Variants in TYW1 observed in about 807,000 individuals in gnomAD.
TYW1 encodes tRNA-yW synthesizing protein 1 homolog, also known as S-adenosyl-L-methionine-dependent tRNA 4-demethylwyosine synthase TYW1.
TYW1 carries 46 observed loss-of-function variants against 96.2 expected under a neutral mutation model. That is an observed-to-expected ratio of 0.48 (90% CI 0.38 to 0.61). The LOEUF is 0.61. Among genes scored for constraint, TYW1 ranks in the 20% least tolerant of loss-of-function variants. The pLI, the probability that TYW1 is intolerant of heterozygous loss-of-function variation, is 0.00. For synonymous variants in TYW1, 274 were observed against 323.0 expected (o/e 0.85, Z 1.63); for missense variants, 684 against 909.6 (o/e 0.75, Z 3.19).
intron 13 of TYW1, among the ~76,000 whole-genome samples, chr7:67,145,339 C>T (rs1338663342): frequency 3.3e-5 from 5 of 151,632 alleles, no homozygotes; most frequent in African/African-American, 7.3e-5. Context: ...TTAATAGAGA[C>T]GGGGTTTCAC....
chr7:67,083,488 A>G lies in TYW1; in HGVS notation c.1333A>G (p.Ile445Val). ...WRWKMDQPEM[I>V]LKEAIENHQN... Reference sequence around the variant, plus strand: ...GTGGAAGATGGACCAGCCTGAAATGATCTTGAAGGAAGCCATTGAAAACCA... The same window carrying G: ...GTGGAAGATGGACCAGCCTGAAATGGTCTTGAAGGAAGCCATTGAAAACCA... The change falls in exon 11 of 16, where the codon ATC becomes GTC. Residue 445 changes from isoleucine (I) to valine (V), a missense_variant. Physicochemically the swap from Ile to Val is conservative, Grantham distance 29 (BLOSUM62 3). Transcript: ENST00000359626. The G allele has an allele frequency of 6.2e-7, 1 of 1,614,172 alleles. No homozygotes were observed. The highest frequency in any genetic ancestry group is 8.5e-7 in the Non-Finnish European group (1 of 1,180,006).
In TYW1 at chr7:67,238,481, C is replaced by A. The variant is rs1191670589; in HGVS notation, c.2151C>A (p.Asp717Glu). The A allele has an allele frequency of 6.2e-7, 1 of 1,613,822 alleles. No individual in the cohort carries two copies. Among genetic ancestry groups the A allele is most frequent in the Non-Finnish European group, 8.5e-7 (1 of 1,179,864 alleles). ...GASERGFDPK[D>E]TRHQRKNKSK... The stretch of plus-strand genomic sequence containing the variant: ...GTGAAAGAGGCTTTGATCCCAAGGA[C>A]ACAAGACATCAGAGAAAGAACAAAT... Residue 717 changes from aspartate to glutamate, a missense_variant, in exon 16 of 16, where the codon GAC (aspartate) becomes GAA (glutamate). Transcript: ENST00000359626.
intron 13 of TYW1, among the ~76,000 whole-genome samples, chr7:67,128,681 G>A (rs1430121215): frequency 6.8e-6 from 1 of 146,114 alleles, no homozygotes; most frequent in Non-Finnish European, 1.5e-5. Context: ...CTTATGATTA[G>A]GTCTCAGTGT....
chr7:67,101,876 T>A (rs1272701315), intron 12 of TYW1, among the ~76,000 whole-genome samples: 1 of 152,226 alleles, frequency 6.6e-6, no homozygotes, highest in East Asian at 1.9e-4. Flanking sequence ...ATCAGTGTAT[T>A]GTCATAAAGA....
chr7:67,183,801 T>C (rs11772455), intron 14 of TYW1, among the ~76,000 whole-genome samples: 42,747 of 151,748 alleles, frequency 0.28, 6,523 homozygotes, highest in African/African-American at 0.4. Context: ...TCTACTCTTA[T>C]TTTATTTACT....
intron 15 of TYW1, among the ~76,000 whole-genome samples, chr7:67,215,050 T>C (rs935216755): frequency 6.7e-6 from 1 of 149,558 alleles, no homozygotes; most frequent in Admixed American, 6.7e-5. Flanking sequence ...GCTTCTATTT[T>C]CATGAAGGTA....
intron 12 of TYW1, among the ~76,000 whole-genome samples, chr7:67,116,348 G>T (rs1797593517): frequency 6.6e-6 from 1 of 150,554 alleles, no homozygotes; most frequent in African/African-American, 2.4e-5. Flanking sequence ...GAAAAGAAAA[G>T]AAAAGAAAAA....
intron 3 of TYW1, among the ~76,000 whole-genome samples, chr7:67,009,062 T>G (rs1222017319): frequency 1.3e-5 from 2 of 152,146 alleles, no homozygotes; most frequent in Non-Finnish European, 2.9e-5. Context: ...CAGGCTAGAG[T>G]GCATTGGTGT....
chr7:67,010,064 T>G (rs1241737543), intron 4 of TYW1, among the ~76,000 whole-genome samples: 3 of 150,956 alleles, frequency 2.0e-5, no homozygotes, highest in Non-Finnish European at 4.4e-5. Context: ...TTCAGTGCAA[T>G]GTCCGTCTCC....
intron 3 of TYW1, among the ~76,000 whole-genome samples, chr7:67,002,287 A>C (rs111872583): frequency 0.14 from 20,999 of 147,058 alleles, 1,845 homozygotes; most frequent in Admixed American, 0.24. Context: ...TGGCCTCAAG[A>C]GATCCTTCTG....
At chr7:67,047,443 A>C (rs1795219852) in intron 7 of TYW1, among the ~76,000 whole-genome samples, 1 of 152,166 alleles carries the variant, frequency 6.6e-6, no homozygotes, top group Admixed American at 6.6e-5. Flanking sequence ...TATTTGTATA[A>C]AAGGCCTAGC....
intron 13 of TYW1, among the ~76,000 whole-genome samples, chr7:67,134,845 T>A (rs1228781127): frequency 6.8e-6 from 1 of 147,202 alleles, no homozygotes; most frequent in Non-Finnish European, 1.5e-5. Context: ...TGATGGCTCA[T>A]GCCTGTAATC....
intron 7 of TYW1, among the ~76,000 whole-genome samples, chr7:67,048,558 A>G (rs958531920): frequency 2.0e-5 from 3 of 152,190 alleles, no homozygotes; most frequent in Non-Finnish European, 2.9e-5. Flanking sequence ...ATAAACTTTT[A>G]AAAAGAGAAG....
At chr7:67,136,697 A>G (rs1798271230) in intron 13 of TYW1, among the ~76,000 whole-genome samples, 1 of 150,994 alleles carries the variant, frequency 6.6e-6, no homozygotes, top group African/African-American at 2.4e-5. Flanking sequence ...ATATATATAT[A>G]TGCTGACATC....
intron 13 of TYW1, among the ~76,000 whole-genome samples, chr7:67,152,757 A>T (rs2116175241): frequency 6.6e-6 from 1 of 152,118 alleles, no homozygotes; most frequent in African/African-American, 2.4e-5. Flanking sequence ...GTGGGCCACC[A>T]CGCCTGGCTC....
intron 10 of TYW1, among the ~76,000 whole-genome samples, chr7:67,076,562 G>T (rs906923851): frequency 2.0e-5 from 3 of 150,824 alleles, no homozygotes; most frequent in Non-Finnish European, 4.4e-5. Context: ...TGCAATCTCT[G>T]CCTCCCAGGT....
At chr7:67,068,876 C>A (rs1795952513) in intron 10 of TYW1, among the ~76,000 whole-genome samples, 1 of 152,172 alleles carries the variant, frequency 6.6e-6, no homozygotes, top group Non-Finnish European at 1.5e-5. Flanking sequence ...GGTAATGGCA[C>A]TATTAGCCAT....
In TYW1 at chr7:67,147,205, G is replaced by A. The variant is rs572675373; in HGVS notation, c.1698+29587G>A. Among the ~76,000 whole-genome samples the A allele has an allele frequency of 2.0e-5, 3 of 152,220 alleles. No homozygotes were observed. The East Asian group carries it at 5.8e-4, about 29-fold the overall frequency. On this transcript the variant is annotated intron_variant, in intron 13 of 15. Transcript: ENST00000359626. ...AACAATACAACAGTAAAAAAATACAGTGTAAAGACTACCTAGCGTTTACAT... is the reference window on the plus strand; with the variant it reads ...AACAATACAACAGTAAAAAAATACAATGTAAAGACTACCTAGCGTTTACAT...
chr7:67,153,469 A>G (rs957773592), intron 13 of TYW1, among the ~76,000 whole-genome samples: 1 of 152,184 alleles, frequency 6.6e-6, no homozygotes, highest in African/African-American at 2.4e-5. Context: ...AAACAAAACA[A>G]TACAAAATAG....
Sources: allele counts gnomAD v4.1 joint callset (sites outside exome capture counted in the v4.1 genomes callset), GRCh38; gene constraint gnomAD v4.1.1; transcripts MANE v1.5; gene names NCBI Gene and HGNC (gene_info 2026-07-23, HGNC 2026-07-21).